XKR9: variants seen among roughly 807,000 people sequenced by gnomAD.
XKR9 encodes the protein XK-related protein 9.
A neutral mutation model predicts 32.0 loss-of-function variants in XKR9; 32 were observed. The ratio of observed to expected loss-of-function variants is 1.00; its 90% CI spans 0.76 to 1.34. XKR9 has a LOEUF of 1.34. XKR9 is among the 40% of genes most tolerant of loss of function. The pLI, the probability that XKR9 is intolerant of heterozygous loss-of-function variation, is 0.00. For synonymous variants in XKR9, 168 were observed against 143.4 expected, an observed-to-expected ratio of 1.17 and a Z score of -1.22; for missense variants, 546 against 429.7, an observed-to-expected ratio of 1.27 and a Z score of -2.39.
chr8:71,034,203 T>C, the XKR9 span, among the ~76,000 whole-genome samples: 1 of 152,108 alleles, frequency 6.6e-6, no homozygotes, highest in Non-Finnish European at 1.5e-5. Context: ...AGGGACCTCA[T>C]GGAAGGTGAT....
chr8:70,767,737 G>A (rs1043162309), intron 2 of XKR9, among the ~76,000 whole-genome samples: 11 of 151,758 alleles, frequency 7.2e-5, no homozygotes, highest in East Asian at 3.9e-4. Flanking sequence ...TCCTGACCTC[G>A]TTTTCTGCCT....
chr8:70,840,457 TTG>T, the XKR9 span, among the ~76,000 whole-genome samples: 1 of 152,154 alleles, frequency 6.6e-6, no homozygotes, highest in African/African-American at 2.4e-5. Context: ...TAAATAGTGA[TTG>T]TGTTATTTTC....
At position 70,741,877 on chromosome 8, in the gene XKR9, C is replaced by A. The variant is rs948771744; in HGVS notation, n.352+34724C>A. On this transcript the variant is annotated intron_variant and non_coding_transcript_variant, in intron 2 of 3. Transcript: ENST00000520273. ...ATTTTGAGGAACCTTTATACTGTTT[C>A]CATAATGGCTGCACTATTTTACAAT... 4.6e-5 allele frequency among the ~76,000 whole-genome samples: 7 copies of A among 151,944 alleles called. No homozygotes were observed. In the South Asian group the frequency reaches 1.4e-3, roughly 31 times the overall value.
At chr8:70,987,403 A>G in the XKR9 span, among the ~76,000 whole-genome samples, 1 of 152,226 alleles carries the variant, frequency 6.6e-6, no homozygotes, top group African/African-American at 2.4e-5. Context: ...CAACTGTTCG[A>G]AATGGGAGAA....
chr8:70,862,807 A>G, the XKR9 span, among the ~76,000 whole-genome samples: 2 of 152,200 alleles, frequency 1.3e-5, no homozygotes, highest in African/African-American at 4.8e-5. Flanking sequence ...GTAAATATAA[A>G]AGTAATTATG....
At chr8:70,964,390 A>G in the XKR9 span, among the ~76,000 whole-genome samples, 1 of 152,060 alleles carries the variant, frequency 6.6e-6, no homozygotes, top group South Asian at 2.1e-4. Context: ...TGTTTGAAGA[A>G]GAGTAGCATG....
the XKR9 span, among the ~76,000 whole-genome samples, chr8:70,812,122 C>G: frequency 6.6e-6 from 1 of 152,310 alleles, no homozygotes; most frequent in East Asian, 1.9e-4. Context: ...CCCTGGGATG[C>G]AAGGCTAGTT....
the XKR9 span, among the ~76,000 whole-genome samples, chr8:70,927,705 C>G: frequency 6.6e-6 from 1 of 152,136 alleles, no homozygotes; most frequent in Non-Finnish European, 1.5e-5. Context: ...CCCAAAGGAC[C>G]TGCCTGTTGA....
intron 2 of XKR9, among the ~76,000 whole-genome samples, chr8:70,773,092 T>A (rs554226236): frequency 6.9e-4 from 105 of 152,328 alleles, no homozygotes; most frequent in Non-Finnish European, 1.3e-3. Context: ...GTCTTGTCAC[T>A]TTGTAAAAGG....
the XKR9 span, among the ~76,000 whole-genome samples, chr8:71,051,767 G>C: frequency 1.3e-5 from 2 of 152,218 alleles, no homozygotes; most frequent in Non-Finnish European, 2.9e-5. Flanking sequence ...AGGAGAAAAT[G>C]CTCTGTTAAA....
chr8:70,860,326 C>T, the XKR9 span, among the ~76,000 whole-genome samples: 1 of 152,102 alleles, frequency 6.6e-6, no homozygotes, highest in East Asian at 1.9e-4. Context: ...TCTCTTTATG[C>T]CATGTGAAGA....
At chr8:70,729,915 A>G (rs116351899) in intron 4 of XKR9, among the ~76,000 whole-genome samples, 1,530 of 152,310 alleles carry the variant, frequency 0.01, 23 homozygotes, top group African/African-American at 0.035. Flanking sequence ...CTAATGTCTA[A>G]AGGATTAATT....
the XKR9 span, among the ~76,000 whole-genome samples, chr8:71,055,533 A>G: frequency 2.6e-5 from 4 of 152,160 alleles, no homozygotes; most frequent in African/African-American, 7.2e-5. Context: ...AGAAGGGACC[A>G]TTATGCCTGA....
At chr8:70,948,696 C>T in the XKR9 span, among the ~76,000 whole-genome samples, 2 of 152,276 alleles carry the variant, frequency 1.3e-5, no homozygotes, top group South Asian at 4.1e-4. Flanking sequence ...TGCACACAAG[C>T]ATTATTAAGA....
At chr8:70,795,155 A>C (rs1006795306), downstream of XKR9, among the ~76,000 whole-genome samples, 8 of 151,666 alleles carry the variant, frequency 5.3e-5, no homozygotes, top group African/African-American at 1.9e-4. Flanking sequence ...GATAGGCCCC[A>C]GTGTGTGTTT....
the XKR9 span, among the ~76,000 whole-genome samples, chr8:70,984,338 T>C: frequency 5.5e-3 from 833 of 152,330 alleles, 12 homozygotes; most frequent in African/African-American, 0.019. Context: ...TGATCACCTC[T>C]GAAGTCTTAC....
the XKR9 span, among the ~76,000 whole-genome samples, chr8:70,993,253 C>T: frequency 6.6e-6 from 1 of 152,182 alleles, no homozygotes; most frequent in Non-Finnish European, 1.5e-5. Flanking sequence ...TAATCAAACA[C>T]TTTTTAATGA....
At chr8:70,793,853 G>A (rs185420802), downstream of XKR9, among the ~76,000 whole-genome samples, 75 of 151,334 alleles carry the variant, frequency 5.0e-4, no homozygotes, top group African/African-American at 1.5e-3. Context: ...CTATAATTTC[G>A]TAGAATTTTA....
At chr8:70,863,228 G>A in the XKR9 span, among the ~76,000 whole-genome samples, 173 of 152,200 alleles carry the variant, frequency 1.1e-3, no homozygotes, top group Middle Eastern at 3.4e-3. Flanking sequence ...AGCAGCGGAA[G>A]GAGAAATGCC....
Sources: allele counts gnomAD v4.1 joint callset (sites outside exome capture counted in the v4.1 genomes callset), GRCh38; gene constraint gnomAD v4.1.1; transcripts MANE v1.5; gene names NCBI Gene and HGNC (gene_info 2026-07-23, HGNC 2026-07-21).